Variants in UNC5B observed in about 807,000 individuals in gnomAD.
UNC5B encodes netrin receptor UNC5B.
UNC5B carries 56 observed loss-of-function variants against 103.7 expected under a neutral mutation model. The observed-to-expected ratio is 0.54, with a 90% CI of 0.44 to 0.67. UNC5B has a LOEUF of 0.67. Among genes scored for constraint, UNC5B ranks in the 30% least tolerant of loss-of-function variants. The probability of loss-of-function intolerance (pLI) is 0.00; values close to 1 mark genes in which losing one functional copy is unlikely to be tolerated. For missense variants in UNC5B, 1,194 were observed against 1,284.5 expected (o/e 0.93, Z 1.08); for synonymous variants, 577 against 542.0 (o/e 1.06, Z -0.90).
chr10:71,243,779 TG>T (rs1194136246), intron 1 of UNC5B, among the ~76,000 whole-genome samples: 1 of 152,248 alleles, frequency 6.6e-6, no homozygotes, highest in Non-Finnish European at 1.5e-5. Flanking sequence ...CTAAGGTCAC[TG>T]GGTGAATACT....
At chr10:71,245,975 T>C (rs1844023190) in intron 1 of UNC5B, among the ~76,000 whole-genome samples, 1 of 152,150 alleles carries the variant, frequency 6.6e-6, no homozygotes, top group Non-Finnish European at 1.5e-5. Context: ...CATGGCTCCC[T>C]CCTCTCTGTA....
Position 71,232,411 on chromosome 10 carries a change from A to T in UNC5B, c.79+19347A>T, listed in dbSNP as rs545973819. ...GTGGAGGAGAGCCGATTGCAGAGGG[A>T]GTGCACAAGGAGGGAGGAACTCGTG... On this transcript the variant is annotated intron_variant, in intron 1 of 16. Transcript: ENST00000335350. 1.2e-4 allele frequency among the ~76,000 whole-genome samples: 18 copies of T among 152,334 alleles called. No homozygotes were observed. The East Asian group carries it at 3.3e-3, about 28-fold the overall frequency.
intron 1 of UNC5B, among the ~76,000 whole-genome samples, chr10:71,225,909 G>A (rs752314289): frequency 6.8e-6 from 1 of 148,100 alleles, no homozygotes; most frequent in Non-Finnish European, 1.5e-5. Context: ...GCCACACCTT[G>A]CCAGCCCCTC....
At chr10:71,266,544 G>A (rs942814833) in intron 1 of UNC5B, among the ~76,000 whole-genome samples, 8 of 152,288 alleles carry the variant, frequency 5.3e-5, no homozygotes, top group Admixed American at 4.6e-4. Flanking sequence ...GGCTGGAGAC[G>A]GCACTCCATC....
Position 71,256,847 on chromosome 10 carries a change from C to A in UNC5B, c.80-22974C>A, listed in dbSNP as rs11813918. Among the ~76,000 whole-genome samples the A allele has an allele frequency of 1.1e-3, 164 of 152,352 alleles. 1 individual carries two copies. Among genetic ancestry groups the A allele is most frequent in the African/African-American group, 3.7e-3 (153 of 41,570 alleles). On this transcript the variant is annotated intron_variant, in intron 1 of 16. Coordinates refer to ENST00000335350, the MANE Select transcript of UNC5B (RefSeq NM_170744.5). ...GGTCAGGGACTTGTCCAGGGTCACA[C>A]AGCATGTTAGTTACTGAGCTGAGAC...
intron 1 of UNC5B, among the ~76,000 whole-genome samples, chr10:71,255,905 G>T (rs1035403130): frequency 6.6e-6 from 1 of 152,206 alleles, no homozygotes; most frequent in Non-Finnish European, 1.5e-5. Flanking sequence ...ACATAGGCAA[G>T]CAGCTGCCAC....
At chr10:71,296,828 A>G (rs1472136486) in intron 15 of UNC5B, 86 bp downstream of exon 15, 2 of 1,056,002 alleles carry the variant, frequency 1.9e-6, no homozygotes, top group Non-Finnish European at 2.8e-6. Flanking sequence ...CCAGCTGCAC[A>G]CCACGCTGGC....
At chr10:71,288,903 G>A (rs1401649301) in intron 7 of UNC5B, 55 bp from the exon 8 acceptor site, 2 of 1,601,042 alleles carry the variant, frequency 1.2e-6, no homozygotes, top group East Asian at 4.5e-5. Flanking sequence ...TGCCTTCTCT[G>A]CCACCCTTTC....
intron 1 of UNC5B, among the ~76,000 whole-genome samples, chr10:71,273,179 G>A (rs964139941): frequency 3.3e-5 from 5 of 152,366 alleles, no homozygotes; most frequent in East Asian, 3.9e-4. Flanking sequence ...GTGAGCCGCC[G>A]CGCCCGGCCC....
intron 1 of UNC5B, among the ~76,000 whole-genome samples, chr10:71,260,063 G>A (rs1011995126): frequency 2.0e-5 from 3 of 152,130 alleles, no homozygotes; most frequent in Admixed American, 6.5e-5. Flanking sequence ...GAGAGAGGTA[G>A]GGGGGGCATG....
chr10:71,248,861 TCTCTCTCACACA>T (rs1190427190), intron 1 of UNC5B, among the ~76,000 whole-genome samples: 118 of 36,656 alleles, frequency 3.2e-3, no homozygotes, highest in African/African-American at 8.7e-3. Flanking sequence ...TCTCTCTCTC[TCTCTCTCACACA>T]CACACACACA....
At chr10:71,260,338 G>T (rs1012558647) in intron 1 of UNC5B, among the ~76,000 whole-genome samples, 8 of 152,244 alleles carry the variant, frequency 5.3e-5, no homozygotes, top group Non-Finnish European at 7.3e-5. Flanking sequence ...GGAGTGGGTG[G>T]AGGCGAGAGA....
intron 1 of UNC5B, among the ~76,000 whole-genome samples, chr10:71,277,193 G>A (rs1489026006): frequency 6.6e-6 from 1 of 152,390 alleles, no homozygotes. Context: ...AGAGGCGGCT[G>A]TCACCCCGGG....
At chr10:71,262,015 G>A (rs1195287517) in intron 1 of UNC5B, among the ~76,000 whole-genome samples, 1 of 151,940 alleles carries the variant, frequency 6.6e-6, no homozygotes, top group Non-Finnish European at 1.5e-5. Flanking sequence ...TGGGGTAGGG[G>A]GGAGGTGGGA....
At chr10:71,271,943 T>A (rs1242493847) in intron 1 of UNC5B, among the ~76,000 whole-genome samples, 1 of 152,008 alleles carries the variant, frequency 6.6e-6, no homozygotes, top group Non-Finnish European at 1.5e-5. Flanking sequence ...CCCCCATTTG[T>A]CATCGGTAAC....
intron 1 of UNC5B, among the ~76,000 whole-genome samples, chr10:71,264,882 C>T (rs533167951): frequency 6.3e-4 from 95 of 151,790 alleles, no homozygotes; most frequent in African/African-American, 2.3e-3. Context: ...ACCTGTAATC[C>T]CAGCACTTTG....
At chr10:71,260,735 C>T (rs916767010) in intron 1 of UNC5B, among the ~76,000 whole-genome samples, 2 of 152,230 alleles carry the variant, frequency 1.3e-5, no homozygotes, top group Admixed American at 6.5e-5. Context: ...AGCTGGGGGA[C>T]GCCAGGGCCA....
intron 1 of UNC5B, among the ~76,000 whole-genome samples, chr10:71,215,388 C>G (rs946452075): frequency 1.3e-5 from 2 of 152,178 alleles, no homozygotes; most frequent in South Asian, 2.1e-4. Context: ...AGGCGAGGCT[C>G]TCTCTGCAAA....
At chr10:71,234,127 T>C (rs1357396000) in intron 1 of UNC5B, among the ~76,000 whole-genome samples, 19 of 152,190 alleles carry the variant, frequency 1.2e-4, no homozygotes, top group Admixed American at 1.2e-3. Flanking sequence ...ATCTTCCTCA[T>C]TTTATAGATG....
Sources: allele counts gnomAD v4.1 joint callset (sites outside exome capture counted in the v4.1 genomes callset), GRCh38; gene constraint gnomAD v4.1.1; transcripts MANE v1.5; gene names NCBI Gene and HGNC (gene_info 2026-07-23, HGNC 2026-07-21).